The following PRDM15 variants were observed in gnomAD, a reference collection of about 807,000 sequenced individuals.
PRDM15 encodes PR/SET domain 15, also known as PR domain zinc finger protein 15.
Under a neutral mutation model 128.6 loss-of-function variants are expected in PRDM15, and 64 were observed. That is an observed-to-expected ratio of 0.50 (90% CI 0.41 to 0.61). The LOEUF (loss-of-function observed/expected upper bound fraction) is 0.61, where lower values mean the gene tolerates loss of function less well. PRDM15 is among the 20% of genes least tolerant of loss of function. The pLI is 0.00. For synonymous variants in PRDM15, 615 were observed against 621.8 expected, an observed-to-expected ratio of 0.99 and a Z score of 0.16; for missense variants, 1,242 against 1,569.1, an observed-to-expected ratio of 0.79 and a Z score of 3.52.
At position 41,815,849 on chromosome 21, in the gene PRDM15, A is replaced by C. The variant is rs761807205; in HGVS notation, c.2261-13T>G. The C allele has an allele frequency of 6.2e-7, 1 of 1,611,872 alleles. No individual in the cohort carries two copies. The stretch of plus-strand genomic sequence containing the variant: ...TTGGTCTTCATGCCTTCAAGGACAC[A>C]GCGAGTCAGAGGCGGCCACACCCCC... On this transcript the variant is annotated splice_polypyrimidine_tract_variant and intron_variant, in intron 18 of 23. Transcript: ENST00000398548.
chr21:41,836,078 A>G, intron 10 of PRDM15, 35 bp downstream of exon 10: 1 of 1,496,464 alleles, frequency 6.7e-7, no homozygotes, highest in Non-Finnish European at 9.3e-7. Flanking sequence ...TGTCCACACA[A>G]CTGGGAAGAG....
At chr21:41,816,748 G>T (rs769218561) in intron 18 of PRDM15, among the ~76,000 whole-genome samples, 1 of 152,166 alleles carries the variant, frequency 6.6e-6, no homozygotes, top group Non-Finnish European at 1.5e-5. Flanking sequence ...GGGCCAGCAG[G>T]GGGAGCAAAG....
intron 5 of PRDM15, among the ~76,000 whole-genome samples, chr21:41,848,052 C>T (rs896791392): frequency 7.9e-5 from 12 of 152,240 alleles, no homozygotes. Flanking sequence ...GCTCTGGGGG[C>T]TGGCCCAGGG....
chr21:41,827,466 C>T (rs775710289), intron 12 of PRDM15, among the ~76,000 whole-genome samples: 21 of 152,222 alleles, frequency 1.4e-4, no homozygotes, highest in Non-Finnish European at 2.4e-4. Flanking sequence ...CCTCCTGCCT[C>T]AGCCTCCTGA....
chr21:41,840,810 CATGCTGAATT>C (rs1243763014), intron 6 of PRDM15, among the ~76,000 whole-genome samples: 2 of 151,598 alleles, frequency 1.3e-5, no homozygotes, highest in African/African-American at 4.9e-5. Context: ...AAAGCAAGGG[CATGCTGAATT>C]ATAACAAGCG....
At chr21:41,834,494 C>T (rs765397633) in intron 11 of PRDM15, 30 of 1,549,734 alleles carry the variant, frequency 1.9e-5, no homozygotes, top group South Asian at 2.4e-5. Context: ...GGGTGGGCGT[C>T]GAAGGCTAAC....
chr21:41,857,141 C>T (rs2063659202), intron 4 of PRDM15, 35 bp downstream of exon 4: 1 of 1,587,778 alleles, frequency 6.3e-7, no homozygotes. Context: ...GAAAAACACC[C>T]AGTTCCTGAG....
At chr21:41,867,700 C>T (rs986309072) in intron 1 of PRDM15, among the ~76,000 whole-genome samples, 5 of 152,194 alleles carry the variant, frequency 3.3e-5, no homozygotes, top group African/African-American at 1.2e-4. Context: ...ATGAAAGCTT[C>T]ATGATTTTAA....
chr21:41,822,206 T>A (rs1466001924), intron 14 of PRDM15, among the ~76,000 whole-genome samples, 169 bp from the exon 15 acceptor site: 1 of 152,152 alleles, frequency 6.6e-6, no homozygotes, highest in Non-Finnish European at 1.5e-5. Flanking sequence ...TCCCAGCTTG[T>A]CCCCAGAGGT....
At chr21:41,850,288 C>G (rs74609988) in intron 5 of PRDM15, among the ~76,000 whole-genome samples, 1 of 147,282 alleles carries the variant, frequency 6.8e-6, no homozygotes, top group Non-Finnish European at 1.5e-5. Flanking sequence ...GGTGCCCCCC[C>G]ACACTTTCCT....
chr21:41,816,101 G>A (rs1229813819), intron 18 of PRDM15, among the ~76,000 whole-genome samples: 10 of 152,260 alleles, frequency 6.6e-5, no homozygotes, highest in South Asian at 2.1e-4. Context: ...GAGCAACGCC[G>A]GGGCGGTGGG....
chr21:41,829,261 TCACA>T (rs1294601131), intron 11 of PRDM15, among the ~76,000 whole-genome samples: 5 of 90,504 alleles, frequency 5.5e-5, no homozygotes, highest in East Asian at 2.5e-4. Context: ...CCAACACACA[TCACA>T]CACACACACA....
chr21:41,871,423 TGC>T, intron 1 of PRDM15: 1 of 1,193,474 alleles, frequency 8.4e-7, no homozygotes, highest in South Asian at 1.8e-5. Flanking sequence ...AAGCAGCAGC[TGC>T]CATTGTTAAA....
chr21:41,866,374 C>T (rs1028087113), intron 1 of PRDM15, among the ~76,000 whole-genome samples: 1 of 152,242 alleles, frequency 6.6e-6, no homozygotes, highest in African/African-American at 2.4e-5. Flanking sequence ...TAGCAAGGTT[C>T]CAATGCTACC....
chr21:41,813,377 A>G (rs1005316173), intron 19 of PRDM15: 6 of 152,336 alleles, frequency 3.9e-5, no homozygotes, highest in Admixed American at 2.6e-4. Context: ...TCCCCAGGAA[A>G]GAGATGGACA....
At chr21:41,861,480 G>A in intron 1 of PRDM15, 1 of 1,205,964 alleles carries the variant, frequency 8.3e-7, no homozygotes, top group Non-Finnish European at 1.2e-6. Context: ...AGTTTGGGAG[G>A]AGCATAAAGT....
At chr21:41,852,803 G>T (rs1441517369) in intron 5 of PRDM15, among the ~76,000 whole-genome samples, 1 of 152,188 alleles carries the variant, frequency 6.6e-6, no homozygotes, top group Non-Finnish European at 1.5e-5. Flanking sequence ...TTCAATAGTG[G>T]CTCCCCAAAA....
chr21:41,875,268 G>A (rs1057347331), intron 1 of PRDM15, among the ~76,000 whole-genome samples: 12 of 152,356 alleles, frequency 7.9e-5, no homozygotes, highest in African/African-American at 2.9e-4. Context: ...CCCTCTACAT[G>A]CAGCACTTAC....
chr21:41,809,133 C>T (rs1478563924), intron 21 of PRDM15, among the ~76,000 whole-genome samples: 2 of 152,236 alleles, frequency 1.3e-5, no homozygotes, highest in African/African-American at 2.4e-5. Context: ...TCTCCGTGTA[C>T]ACCCTGAGTG....
Sources: allele counts gnomAD v4.1 joint callset (sites outside exome capture counted in the v4.1 genomes callset), GRCh38; gene constraint gnomAD v4.1.1; transcripts MANE v1.5; gene names NCBI Gene and HGNC (gene_info 2026-07-23, HGNC 2026-07-21).